COMMD1: variants seen among roughly 807,000 people sequenced by gnomAD.
COMMD1 encodes copper metabolism domain containing 1.
A neutral mutation model predicts 17.2 loss-of-function variants in COMMD1; 10 were observed. The ratio of observed to expected loss-of-function variants is 0.58; its 90% CI spans 0.36 to 0.99. The LOEUF (loss-of-function observed/expected upper bound fraction) is 0.99, where lower values mean the gene tolerates loss of function less well. COMMD1 is among the 50% of genes least tolerant of loss of function. COMMD1 has a pLI of 0.01. For missense variants in COMMD1, 270 were observed against 231.8 expected (o/e 1.17, Z -1.07); for synonymous variants, 97 against 91.6 (o/e 1.06, Z -0.34).
chr2:61,954,193 A>G (rs1485977114), intron 1 of COMMD1, among the ~76,000 whole-genome samples: 1 of 152,136 alleles, frequency 6.6e-6, no homozygotes, highest in Non-Finnish European at 1.5e-5. Flanking sequence ...TGGGCGACAG[A>G]GTGAGACTCT....
At chr2:62,115,848 CTTTCTTTCTTTCTTTTTTTTT>C (rs1319599855) in intron 2 of COMMD1, among the ~76,000 whole-genome samples, 1 of 103,698 alleles carries the variant, frequency 9.6e-6, no homozygotes, top group Non-Finnish European at 2.0e-5. Flanking sequence ...TTCTTTCTTT[CTTTCTTTCTTTCTTTTTTTTT>C]TTTTTTTTTG....
chr2:62,015,981 A>G (rs1292729102), intron 2 of COMMD1, among the ~76,000 whole-genome samples: 1 of 151,390 alleles, frequency 6.6e-6, no homozygotes, highest in Non-Finnish European at 1.5e-5. Context: ...ACAGGCACAC[A>G]CCACCACACC....
chr2:62,112,996 T>C (rs1390739871), intron 2 of COMMD1, among the ~76,000 whole-genome samples: 1 of 152,186 alleles, frequency 6.6e-6, no homozygotes, highest in Admixed American at 6.5e-5. Context: ...TAAGATCTCA[T>C]GAGTGATGCG....
intron 2 of COMMD1, among the ~76,000 whole-genome samples, chr2:62,059,949 G>A (rs1670812376): frequency 6.6e-6 from 1 of 151,838 alleles, no homozygotes; most frequent in African/African-American, 2.4e-5. Context: ...ATTTTGGGGG[G>A]GGAATTCCAT....
intron 2 of COMMD1, among the ~76,000 whole-genome samples, chr2:62,035,574 A>T (rs1380576767): frequency 1.3e-5 from 2 of 151,002 alleles, no homozygotes; most frequent in African/African-American, 4.9e-5. Flanking sequence ...AACACTCTCT[A>T]CAAAAAATAC....
chr2:62,093,562 T>C (rs1419354143), intron 2 of COMMD1, among the ~76,000 whole-genome samples: 1 of 152,158 alleles, frequency 6.6e-6, no homozygotes, highest in East Asian at 1.9e-4. Context: ...TTACTGATAT[T>C]GTAAAAAAAT....
At chr2:62,106,486 GAGCATGCC>G (rs1238738516) in intron 2 of COMMD1, among the ~76,000 whole-genome samples, 1 of 152,200 alleles carries the variant, frequency 6.6e-6, no homozygotes, top group Non-Finnish European at 1.5e-5. Flanking sequence ...GTGAATAGTA[GAGCATGCC>G]AGCTTTTCAA....
intron 2 of COMMD1, among the ~76,000 whole-genome samples, chr2:62,009,631 A>T (rs1240154586): frequency 6.6e-6 from 1 of 151,766 alleles, no homozygotes; most frequent in Non-Finnish European, 1.5e-5. Flanking sequence ...AAGAATAAGA[A>T]ATTTTGTTTC....
chr2:61,960,786 G>A (rs1671320958), intron 1 of COMMD1, among the ~76,000 whole-genome samples: 1 of 152,094 alleles, frequency 6.6e-6, no homozygotes, highest in Non-Finnish European at 1.5e-5. Flanking sequence ...TTCCCTTCTG[G>A]AGGTTCTTTG....
At chr2:61,939,798 T>C (rs1670695076) in intron 1 of COMMD1, among the ~76,000 whole-genome samples, 1 of 152,212 alleles carries the variant, frequency 6.6e-6, no homozygotes, top group Non-Finnish European at 1.5e-5. Context: ...ACAAGGTGTT[T>C]GTTCACCTCA....
At chr2:62,041,970 G>A (rs1201874920) in intron 2 of COMMD1, among the ~76,000 whole-genome samples, 1 of 152,210 alleles carries the variant, frequency 6.6e-6, no homozygotes, top group Non-Finnish European at 1.5e-5. Context: ...GACCTCAGCG[G>A]CTTGCCGCTG....
At chr2:61,910,671 C>A (rs1348253564) in intron 1 of COMMD1, among the ~76,000 whole-genome samples, 1 of 152,170 alleles carries the variant, frequency 6.6e-6, no homozygotes, top group Non-Finnish European at 1.5e-5. Context: ...TCCAGTAAAT[C>A]CCAGTTTACT....
intron 2 of COMMD1, among the ~76,000 whole-genome samples, chr2:62,109,536 A>G (rs551209037): frequency 1.3e-5 from 2 of 152,362 alleles, no homozygotes; most frequent in South Asian, 4.1e-4. Context: ...TAAAAACCCT[A>G]TGAAGTGGGA....
chr2:61,984,790 C>G (rs1026070619), intron 1 of COMMD1, among the ~76,000 whole-genome samples: 1 of 152,128 alleles, frequency 6.6e-6, no homozygotes, highest in Non-Finnish European at 1.5e-5. Flanking sequence ...TGGGGTCTGT[C>G]TCTTTAGCTC....
Position 62,124,538 on chromosome 2 carries a change from T to TTTTG in COMMD1, c.463-11269_463-11266dup, listed in dbSNP as rs142356588. 1.9e-3 allele frequency among the ~76,000 whole-genome samples: 286 copies of TTTTG among 152,010 alleles called. 2 individuals carry two copies. Among genetic ancestry groups the TTTTG allele is most frequent in the African/African-American group, 4.8e-3 (198 of 41,412 alleles). ...GATGTTATTTTATTTTAAAAATGCC[T>TTTTG]TTTGTTTGTTTGTTTGTTTGTTTGT... On this transcript the variant is annotated intron_variant, in intron 2 of 2. Coordinates refer to ENST00000311832, the MANE Select transcript of COMMD1 (RefSeq NM_152516.4).
chr2:62,087,632 A>G (rs1472440148), intron 2 of COMMD1, among the ~76,000 whole-genome samples: 1 of 152,228 alleles, frequency 6.6e-6, no homozygotes, highest in African/African-American at 2.4e-5. Flanking sequence ...CTGTAATCCC[A>G]GCTACCTGGG....
chr2:62,120,112 T>C (rs1001991084), intron 2 of COMMD1, among the ~76,000 whole-genome samples: 3 of 152,196 alleles, frequency 2.0e-5, no homozygotes, highest in Admixed American at 2.0e-4. Flanking sequence ...TCTTCCTGCC[T>C]CACTCAGCCT....
In COMMD1 at chr2:61,989,419, A is replaced by G. The variant is rs557918214; in HGVS notation, c.181-11282A>G. Among the ~76,000 whole-genome samples, 4 of 151,484 alleles carry G rather than the reference A, an allele frequency of 2.6e-5. No homozygotes were observed. In the East Asian group the frequency reaches 5.8e-4, roughly 22 times the overall value. ...GTCCAAAAATCTCTGGGATCCACCT[A>G]TTAATCCCTCCATTCCCTCGCCCCC... On this transcript the variant is annotated intron_variant, in intron 1 of 2. Coordinates refer to ENST00000311832, the MANE Select transcript of COMMD1 (RefSeq NM_152516.4).
intron 1 of COMMD1, among the ~76,000 whole-genome samples, chr2:61,894,696 A>T (rs995613636): frequency 1.4e-4 from 18 of 131,082 alleles, no homozygotes; most frequent in Non-Finnish European, 1.7e-4. Context: ...TTTTTTAATT[A>T]AAAAAAAAAT....
Sources: gnomAD v4.1 joint callset for allele counts (sites outside exome capture counted in the v4.1 genomes callset) on GRCh38, gnomAD v4.1.1 for gene constraint, MANE v1.5 for transcripts, NCBI Gene and HGNC (gene_info 2026-07-23, HGNC 2026-07-21) for gene names.